MAD1L1: variants seen among roughly 807,000 people sequenced by gnomAD.
MAD1L1 encodes mitotic arrest deficient 1 like 1.
In MAD1L1, 95 loss-of-function variants were observed where a neutral mutation model predicts 96.9. The ratio of observed to expected loss-of-function variants is 0.98; its 90% confidence interval spans 0.83 to 1.16. The LOEUF (loss-of-function observed/expected upper bound fraction) is 1.16. MAD1L1 is among the 50% of genes most tolerant of loss of function. The pLI, the probability that MAD1L1 is intolerant of heterozygous loss-of-function variation, is 0.00. For synonymous variants in MAD1L1, 473 were observed against 396.6 expected (o/e 1.19, Z -2.29); for missense variants, 1,007 against 954.4 (o/e 1.06, Z -0.73).
At chr7:2,094,557 G>C (rs180795377) in intron 11 of MAD1L1, among the ~76,000 whole-genome samples, 2 of 152,368 alleles carry the variant, frequency 1.3e-5, no homozygotes, top group African/African-American at 4.8e-5. Context: ...GGAGGTAACA[G>C]TTGTGAAAGA....
intron 13 of MAD1L1, among the ~76,000 whole-genome samples, chr7:2,008,812 C>T (rs185194369): frequency 8.8e-6 from 1 of 113,614 alleles, no homozygotes; most frequent in African/African-American, 2.7e-5. Flanking sequence ...CAGCCTCAGA[C>T]GCAGACACGC....
At chr7:2,047,423 T>C (rs1288300222) in intron 12 of MAD1L1, among the ~76,000 whole-genome samples, 1 of 152,156 alleles carries the variant, frequency 6.6e-6, no homozygotes, top group African/African-American at 2.4e-5. Context: ...AAAAGAATAT[T>C]AACTCCATTC....
chr7:1,997,571 G>A (rs1282959824), intron 14 of MAD1L1, among the ~76,000 whole-genome samples: 1 of 152,284 alleles, frequency 6.6e-6, no homozygotes, highest in Non-Finnish European at 1.5e-5. Flanking sequence ...AAGGGAGTCA[G>A]GCTGTCCCGC....
intron 11 of MAD1L1, among the ~76,000 whole-genome samples, chr7:2,115,851 G>A (rs1787660965): frequency 1.3e-5 from 2 of 152,374 alleles, no homozygotes; most frequent in South Asian, 4.1e-4. Flanking sequence ...GGCGGGCCCT[G>A]CGGGAAGAAG....
chr7:1,858,897 G>A (rs1462982053), intron 18 of MAD1L1, among the ~76,000 whole-genome samples: 2 of 152,210 alleles, frequency 1.3e-5, no homozygotes, highest in African/African-American at 4.8e-5. Context: ...TCCCAGGTCA[G>A]GGCAGGGGGC....
At position 2,101,959 on chromosome 7, in the gene MAD1L1, G is replaced by A. The variant is rs547595450; in HGVS notation, c.1074-32621C>T. Among the ~76,000 whole-genome samples, 3 of 152,254 alleles carry A rather than the reference G, an allele frequency of 2.0e-5. No homozygotes were observed. The South Asian group carries it at 6.2e-4, about 32-fold the overall frequency. On this transcript the variant is annotated intron_variant, in intron 11 of 18. Transcript: ENST00000265854. ...TGCAGCTGGGAAGACCCTGACTGGA[G>A]GTCTGAATCTGCCATGGGTGGGAGT...
chr7:2,008,921 CA>C (rs945247860), intron 13 of MAD1L1, among the ~76,000 whole-genome samples: 15 of 152,208 alleles, frequency 9.9e-5, no homozygotes, highest in Non-Finnish European at 2.1e-4. Flanking sequence ...AGCCAGGCTT[CA>C]GGGGCACACA....
chr7:2,169,545 T>C (rs1011912780), intron 10 of MAD1L1, among the ~76,000 whole-genome samples: 3 of 152,230 alleles, frequency 2.0e-5, no homozygotes, highest in African/African-American at 7.2e-5. Flanking sequence ...AGGGGCCCTC[T>C]TGCACTGAGC....
intron 18 of MAD1L1, among the ~76,000 whole-genome samples, chr7:1,895,236 G>T (rs932763596): frequency 6.6e-6 from 1 of 152,208 alleles, no homozygotes; most frequent in African/African-American, 2.4e-5. Context: ...AAATGAAACC[G>T]ATGGACCAAG....
chr7:2,061,070 G>A (rs546478529), intron 12 of MAD1L1, among the ~76,000 whole-genome samples: 10 of 152,354 alleles, frequency 6.6e-5, no homozygotes, highest in African/African-American at 2.2e-4. Context: ...CGGATACAGT[G>A]GCTCACGCCT....
At chr7:2,110,300 G>A (rs1247656180) in intron 11 of MAD1L1, among the ~76,000 whole-genome samples, 1 of 152,170 alleles carries the variant, frequency 6.6e-6, no homozygotes, top group Non-Finnish European at 1.5e-5. Flanking sequence ...GTGCCGCCAT[G>A]CCCCACGCCT....
intron 15 of MAD1L1, among the ~76,000 whole-genome samples, chr7:1,975,012 A>G (rs1440957565): frequency 3.3e-5 from 5 of 152,202 alleles, no homozygotes; most frequent in African/African-American, 1.2e-4. Context: ...CCACCTGCAG[A>G]GCCCAGGCGC....
chr7:2,001,295 G>T (rs1336963882), intron 14 of MAD1L1, among the ~76,000 whole-genome samples: 2 of 152,292 alleles, frequency 1.3e-5, no homozygotes, highest in African/African-American at 4.8e-5. Flanking sequence ...ACGCACGCAC[G>T]CATGCCCCAG....
intron 17 of MAD1L1, among the ~76,000 whole-genome samples, chr7:1,932,805 C>T (rs1398708823): frequency 2.6e-5 from 4 of 152,218 alleles, no homozygotes; most frequent in Non-Finnish European, 2.9e-5. Flanking sequence ...TTCCCTGTTC[C>T]CTCCTTCCAT....
intron 12 of MAD1L1, among the ~76,000 whole-genome samples, chr7:2,028,550 G>C (rs1022113819): frequency 2.0e-5 from 3 of 152,106 alleles, no homozygotes; most frequent in Middle Eastern, 3.4e-3. Flanking sequence ...ACTCTAGCAA[G>C]TCCACTGGTG....
At chr7:1,897,020 G>A (rs1300951262) in intron 18 of MAD1L1, among the ~76,000 whole-genome samples, 1 of 152,264 alleles carries the variant, frequency 6.6e-6, no homozygotes, top group Non-Finnish European at 1.5e-5. Context: ...AGGTTTGAGA[G>A]TTTCAAGAGT....
At chr7:1,846,617 G>A (rs866149130) in intron 18 of MAD1L1, 35 of 155,444 alleles carry the variant, frequency 2.3e-4, no homozygotes, top group South Asian at 1.0e-3. Context: ...AGGAATGGGC[G>A]GAAGGAAAGG....
At chr7:2,229,723 T>C (rs1158780309) in intron 3 of MAD1L1, among the ~76,000 whole-genome samples, 1 of 152,260 alleles carries the variant, frequency 6.6e-6, no homozygotes. Flanking sequence ...GTGAGTGCAC[T>C]TGTGTGAACG....
At chr7:1,880,028 C>A (rs1020435309) in intron 18 of MAD1L1, among the ~76,000 whole-genome samples, 1 of 152,096 alleles carries the variant, frequency 6.6e-6, no homozygotes, top group African/African-American at 2.4e-5. Flanking sequence ...CTTCGCCTGG[C>A]CGGCAAACTG....
Sources: gnomAD v4.1 joint callset for allele counts (sites outside exome capture counted in the v4.1 genomes callset) on GRCh38, gnomAD v4.1.1 for gene constraint, MANE v1.5 for transcripts, NCBI Gene and HGNC (gene_info 2026-07-23, HGNC 2026-07-21) for gene names.